Variants in DST observed in about 807,000 individuals in gnomAD.
The protein encoded by DST is bullous pemphigoid antigen.
In DST, 253 loss-of-function variants were observed where a neutral mutation model predicts 875.2. The observed-to-expected ratio is 0.29, with a 90% confidence interval of 0.26 to 0.32. DST has a LOEUF of 0.32. DST is among the 10% of genes least tolerant of loss of function. DST has a pLI of 1.00. For synonymous variants in DST, 3,124 were observed against 3,197.1 expected (o/e 0.98, Z 0.77); for missense variants, 8,287 against 9,111.6 (o/e 0.91, Z 3.68).
intron 58 of DST, among the ~76,000 whole-genome samples, chr6:56,558,228 C>T (rs1022610329): frequency 6.6e-6 from 1 of 152,146 alleles, no homozygotes; most frequent in African/African-American, 2.4e-5. Context: ...TGGCCTTCAT[C>T]ATGTGTTTTT....
intron 2 of DST, among the ~76,000 whole-genome samples, chr6:56,906,206 A>G (rs1314504024): frequency 6.6e-6 from 1 of 152,208 alleles, no homozygotes; most frequent in African/African-American, 2.4e-5. Context: ...ACAGTGTACA[A>G]GGGTTCCAAT....
At chr6:56,735,982 C>T (rs1372749697) in intron 4 of DST, among the ~76,000 whole-genome samples, 1 of 152,130 alleles carries the variant, frequency 6.6e-6, no homozygotes, top group African/African-American at 2.4e-5. Context: ...CGTCAGCCCC[C>T]AGAGTAGCTG....
At chr6:56,915,781 A>C (rs1562389204) in intron 2 of DST, among the ~76,000 whole-genome samples, 1 of 152,194 alleles carries the variant, frequency 6.6e-6, no homozygotes, top group South Asian at 2.1e-4. Flanking sequence ...AAGAAGACAG[A>C]ATAAAGACCT....
At chr6:56,677,169 G>T (rs2099135077) in intron 9 of DST, among the ~76,000 whole-genome samples, 1 of 151,904 alleles carries the variant, frequency 6.6e-6, no homozygotes, top group South Asian at 2.1e-4. Flanking sequence ...ATCCTCCTTT[G>T]GTGGTTCTAA....
chr6:56,487,027 T>A, intron 87 of DST, 77 bp downstream of exon 87: 1 of 1,423,500 alleles, frequency 7.0e-7, no homozygotes, highest in Non-Finnish European at 9.7e-7. Context: ...GTTCCCGAAA[T>A]GTCCCCGCAA....
chr6:56,693,048 T>C (rs2099242584), intron 9 of DST: 2 of 1,289,668 alleles, frequency 1.6e-6, no homozygotes, highest in African/African-American at 3.0e-5. Flanking sequence ...TTCTGAAATA[T>C]TTTCTTCCAG....
chr6:56,850,188 A>G (rs1377583546), intron 4 of DST, among the ~76,000 whole-genome samples: 9 of 152,154 alleles, frequency 5.9e-5, no homozygotes, highest in Admixed American at 3.9e-4. Flanking sequence ...ACCAGCCAGC[A>G]TCTCACAGCG....
intron 10 of DST, among the ~76,000 whole-genome samples, chr6:56,661,940 G>GT (rs2099045098): frequency 6.6e-6 from 1 of 151,972 alleles, no homozygotes; most frequent in Non-Finnish European, 1.5e-5. Flanking sequence ...AACTTACTTC[G>GT]TCACTTTTCC....
At chr6:56,525,546 G>T (rs2152504325) in intron 69 of DST, among the ~76,000 whole-genome samples, 1 of 152,302 alleles carries the variant, frequency 6.6e-6, no homozygotes, top group African/African-American at 2.4e-5. Context: ...GAATCAGCTT[G>T]ATTTATGCCT....
chr6:56,718,201 G>T (rs2099401630), intron 5 of DST, among the ~76,000 whole-genome samples: 1 of 152,214 alleles, frequency 6.6e-6, no homozygotes, highest in African/African-American at 2.4e-5. Flanking sequence ...CCCTATCCTA[G>T]GTGACAGAGC....
chr6:56,898,810 G>GTAAATAT (rs1344148107), intron 3 of DST, among the ~76,000 whole-genome samples: 3 of 152,188 alleles, frequency 2.0e-5, no homozygotes, highest in African/African-American at 7.2e-5. Context: ...CTGCTTATCT[G>GTAAATAT]TAAATATTTC....
At chr6:56,723,984 A>T (rs1016489671) in intron 5 of DST, among the ~76,000 whole-genome samples, 7 of 152,238 alleles carry the variant, frequency 4.6e-5, no homozygotes, top group African/African-American at 1.7e-4. Flanking sequence ...CCTTCCAAAA[A>T]ACATGTTTTT....
chr6:56,503,594 T>TATACACACACAC (rs1554261511), intron 78 of DST, among the ~76,000 whole-genome samples: 1 of 140,806 alleles, frequency 7.1e-6, no homozygotes, highest in Admixed American at 7.1e-5. Context: ...TACCTATACA[T>TATACACACACAC]ACACACACAC....
chr6:56,609,100 T>A lies in DST; in HGVS notation c.5528A>T (p.Glu1843Val), dbSNP rs1288857438. The A allele has an allele frequency of 6.2e-7, 1 of 1,613,684 alleles. No homozygotes were observed. The highest frequency in any genetic ancestry group is 1.3e-5 in the African/African-American group (1 of 74,900). The change falls in exon 40 of 104, where the codon GAG (glutamate) becomes GTG (valine). Residue 1843 changes from glutamate (E) to valine (V), a missense_variant. Transcript: ENST00000680361. ...GGTAGGTGACGCAGCAGAAATAATC[T>A]CCTTAGCTTTACTTAGTTCTTTGAG... The part of the protein sequence containing the change: ...CQLKELSKAK[E>V]IISAASPTTI...
In DST at chr6:56,596,468, T is replaced by A. The variant is rs1586108310; in HGVS notation, c.12195+1272A>T. Among the ~76,000 whole-genome samples the A allele has an allele frequency of 2.0e-5, 3 of 152,104 alleles. No homozygotes were observed. In the East Asian group the frequency reaches 5.8e-4, roughly 29 times the overall value. On this transcript the variant is annotated intron_variant, in intron 47 of 103. Coordinates refer to ENST00000680361, the MANE Select transcript of DST (RefSeq NM_001374736.1). ...AAGTCTACCCACCAGTATTTCTCAC[T>A]ACTTTGGTCAACTTACTAACTTTTC...
intron 4 of DST, among the ~76,000 whole-genome samples, chr6:56,790,891 C>A (rs2099720822): frequency 6.6e-6 from 1 of 152,304 alleles, no homozygotes; most frequent in East Asian, 1.9e-4. Context: ...CTTTGGCCAA[C>A]AAGACCAAGA....
intron 78 of DST, among the ~76,000 whole-genome samples, chr6:56,503,100 T>C (rs560519740): frequency 9.2e-5 from 14 of 152,202 alleles, no homozygotes; most frequent in Admixed American, 7.2e-4. Flanking sequence ...TCTTATATCA[T>C]GGATGTGTTT....
In DST at chr6:56,506,742, A is replaced by C; in HGVS notation, c.19287T>G (p.Val6429=). 1 of 1,613,600 alleles carries C rather than the reference A, an allele frequency of 6.2e-7. No individual in the cohort carries two copies. Among genetic ancestry groups the C allele is most frequent in the Non-Finnish European group, 8.5e-7 (1 of 1,179,626 alleles). ...CAATGAGTTCAGAACCTAGGTTAAT[A>C]ACTATATCCAGCTCCTCCTGTAGTC... ...IDGLQEELDI[V]INLGSELIAA... Residue 6429 remains valine, a synonymous_variant, in exon 76 of 104, where the codon GTT becomes GTG. Transcript: ENST00000680361.
intron 37 of DST, among the ~76,000 whole-genome samples, chr6:56,613,746 C>A (rs921610659): frequency 3.9e-5 from 6 of 152,154 alleles, no homozygotes; most frequent in African/African-American, 1.4e-4. Flanking sequence ...TCCCAAGCTG[C>A]GGCCATCCAA....
Sources: allele counts gnomAD v4.1 joint callset (sites outside exome capture counted in the v4.1 genomes callset), GRCh38; gene constraint gnomAD v4.1.1; transcripts MANE v1.5; gene names NCBI Gene and HGNC (gene_info 2026-07-23, HGNC 2026-07-21).